The following HS3ST4 variants were observed in gnomAD, a reference collection of about 807,000 sequenced individuals.
HS3ST4 encodes heparan sulfate-glucosamine 3-sulfotransferase 4, also known as heparan sulfate glucosamine 3-O-sulfotransferase 4.
Under a neutral mutation model 29.2 loss-of-function variants are expected in HS3ST4, and 17 were observed. The observed-to-expected ratio is 0.58, with a 90% CI of 0.40 to 0.87. The LOEUF is 0.87. HS3ST4 is among the 40% of genes least tolerant of loss of function. The pLI is 0.00. For missense variants in HS3ST4, 627 were observed against 634.5 expected (o/e 0.99, Z 0.13); for synonymous variants, 314 against 285.7 (o/e 1.10, Z -1.00).
intron 1 of HS3ST4, among the ~76,000 whole-genome samples, chr16:26,123,208 CT>C (rs1441333512): frequency 6.6e-6 from 1 of 152,152 alleles, no homozygotes; most frequent in Non-Finnish European, 1.5e-5. Context: ...TGCCTGATAT[CT>C]TTTCTTATAA....
intron 1 of HS3ST4, among the ~76,000 whole-genome samples, chr16:26,117,292 A>C (rs1183429236): frequency 6.6e-6 from 1 of 152,186 alleles, no homozygotes; most frequent in Non-Finnish European, 1.5e-5. Context: ...CAGCACACTC[A>C]ACTTATTTTT....
At chr16:25,966,189 G>A (rs916335522) in intron 1 of HS3ST4, among the ~76,000 whole-genome samples, 25 of 152,124 alleles carry the variant, frequency 1.6e-4, no homozygotes, top group African/African-American at 5.6e-4. Flanking sequence ...AAGGGACATG[G>A]CCAAGGTCAT....
chr16:25,754,592 G>A (rs1966744031), intron 1 of HS3ST4, among the ~76,000 whole-genome samples: 1 of 152,134 alleles, frequency 6.6e-6, no homozygotes, highest in Non-Finnish European at 1.5e-5. Flanking sequence ...TGCTGGGGAA[G>A]TCTCAGGAAA....
intron 1 of HS3ST4, among the ~76,000 whole-genome samples, chr16:25,705,751 C>G (rs191431168): frequency 2.6e-5 from 4 of 152,284 alleles, no homozygotes; most frequent in Non-Finnish European, 5.9e-5. Context: ...AGTCTGAGTT[C>G]TGCACCTTGT....
chr16:26,101,677 G>T (rs1898991508), intron 1 of HS3ST4, among the ~76,000 whole-genome samples: 1 of 152,136 alleles, frequency 6.6e-6, no homozygotes, highest in South Asian at 2.1e-4. Context: ...TCCTTAATCA[G>T]TGGTTAATGA....
intron 1 of HS3ST4, among the ~76,000 whole-genome samples, chr16:26,124,109 G>T (rs544929774): frequency 3.9e-5 from 6 of 151,930 alleles, no homozygotes. Flanking sequence ...TAGTAGAGAC[G>T]GGGTTTCTCC....
At chr16:26,026,287 C>A (rs1361846038) in intron 1 of HS3ST4, among the ~76,000 whole-genome samples, 3 of 152,272 alleles carry the variant, frequency 2.0e-5, no homozygotes, top group Middle Eastern at 3.4e-3. Context: ...TTTCAAAAGC[C>A]AATATACTAG....
intron 1 of HS3ST4, among the ~76,000 whole-genome samples, chr16:25,827,223 A>G (rs777032544): frequency 6.6e-6 from 1 of 152,160 alleles, no homozygotes; most frequent in Non-Finnish European, 1.5e-5. Context: ...TGTCAGTTGC[A>G]TAGAAAGCCA....
At chr16:25,891,138 G>A (rs1313054127) in intron 1 of HS3ST4, among the ~76,000 whole-genome samples, 1 of 152,216 alleles carries the variant, frequency 6.6e-6, no homozygotes. Flanking sequence ...AAGTGATGGG[G>A]TAACGTTTCA....
chr16:25,864,000 T>C (rs576666776), intron 1 of HS3ST4, among the ~76,000 whole-genome samples: 2 of 149,400 alleles, frequency 1.3e-5, no homozygotes, highest in African/African-American at 4.9e-5. Flanking sequence ...GAGAGCCACC[T>C]TCCTGCTGCC....
chr16:26,105,618 AC>A (rs1488449254), intron 1 of HS3ST4, among the ~76,000 whole-genome samples: 1 of 152,210 alleles, frequency 6.6e-6, no homozygotes, highest in Non-Finnish European at 1.5e-5. Context: ...TCTTAAAATG[AC>A]CTGCAGGACT....
At chr16:26,134,361 TC>T (rs200703898) in intron 1 of HS3ST4, among the ~76,000 whole-genome samples, 18,450 of 117,950 alleles carry the variant, frequency 0.16, 1,566 homozygotes, top group East Asian at 0.29. Flanking sequence ...TCTTTTCTTT[TC>T]TTTTTTTTTT....
At chr16:25,733,412 G>A (rs1966585423) in intron 1 of HS3ST4, among the ~76,000 whole-genome samples, 1 of 152,110 alleles carries the variant, frequency 6.6e-6, no homozygotes, top group African/African-American at 2.4e-5. Flanking sequence ...CTGTATTCAG[G>A]TCTGTGGCCA....
chr16:25,800,890 A>G (rs1966926655), intron 1 of HS3ST4, among the ~76,000 whole-genome samples: 1 of 152,174 alleles, frequency 6.6e-6, no homozygotes. Flanking sequence ...CCCTCACCAG[A>G]CATTGAATTT....
intron 1 of HS3ST4, among the ~76,000 whole-genome samples, chr16:26,019,951 C>T (rs1969396652): frequency 6.6e-6 from 1 of 152,190 alleles, no homozygotes; most frequent in Non-Finnish European, 1.5e-5. Context: ...ACCCACTTCA[C>T]TTTCTCTCCA....
intron 1 of HS3ST4, among the ~76,000 whole-genome samples, chr16:26,047,301 A>C (rs1381953860): frequency 6.6e-6 from 1 of 152,222 alleles, no homozygotes. Context: ...ATTTTTCTGC[A>C]TCAAGGACTC....
intron 1 of HS3ST4, among the ~76,000 whole-genome samples, chr16:25,944,425 G>A (rs1241532501): frequency 1.3e-5 from 2 of 152,240 alleles, no homozygotes; most frequent in Non-Finnish European, 2.9e-5. Flanking sequence ...TGGCCATAGT[G>A]ACTCCATCTT....
intron 1 of HS3ST4, among the ~76,000 whole-genome samples, chr16:25,697,481 A>G (rs534119179): frequency 3.9e-4 from 60 of 152,364 alleles, no homozygotes; most frequent in African/African-American, 1.4e-3. Flanking sequence ...TTATACTCAT[A>G]TCAAGTAAAA....
chr16:25,746,574 C>T (rs558409417), intron 1 of HS3ST4, among the ~76,000 whole-genome samples: 14 of 147,552 alleles, frequency 9.5e-5, no homozygotes, highest in South Asian at 8.7e-4. Context: ...TTTTTTTAGA[C>T]GGAGTCTCAC....
Sources: gnomAD v4.1 joint callset for allele counts (sites outside exome capture counted in the v4.1 genomes callset) on GRCh38, gnomAD v4.1.1 for gene constraint, MANE v1.5 for transcripts, NCBI Gene and HGNC (gene_info 2026-07-23, HGNC 2026-07-21) for gene names.